The following TMEM171 variants were observed in gnomAD, a reference collection of about 807,000 sequenced individuals.
TMEM171 encodes the protein proline-rich protein PRP2.
In TMEM171, 16 loss-of-function variants were observed where a neutral mutation model predicts 19.1. The ratio of observed to expected loss-of-function variants is 0.84; its 90% CI spans 0.57 to 1.27. The LOEUF (loss-of-function observed/expected upper bound fraction) is 1.27. Ranked by LOEUF, TMEM171 falls within the 50% of genes most tolerant of loss-of-function variation. The pLI, the probability that TMEM171 is intolerant of heterozygous loss-of-function variation, is 0.00. For missense variants in TMEM171, 429 were observed against 412.7 expected, an observed-to-expected ratio of 1.04 and a Z score of -0.34; for synonymous variants, 153 against 163.4, an observed-to-expected ratio of 0.94 and a Z score of 0.48.
rs775618368 is a variant in TMEM171, at chr5:73,123,659, G to A, written c.286G>A (p.Asp96Asn). Residue 96 changes from aspartate (D) to asparagine (N), a missense_variant, in exon 2 of 4, where the codon GAC becomes AAC. Transcript: ENST00000454765. The stretch of plus-strand genomic sequence containing the variant: ...AGGGCTGCAGAGAGGTCAGCAGATG[G>A]ACCCCGACCGAGCCTTCATCTGTGG... ...RAGLQRGQQM[D>N]PDRAFICGES... 6 of 1,614,222 alleles carry A rather than the reference G, an allele frequency of 3.7e-6. No individual in the cohort carries two copies. In the East Asian group the frequency reaches 1.1e-4, roughly 30 times the overall value.
chr5:73,122,600 T>C (rs1744033842), intron 1 of TMEM171, among the ~76,000 whole-genome samples: 1 of 152,312 alleles, frequency 6.6e-6, no homozygotes, highest in South Asian at 2.1e-4. Context: ...GGTTTTGCTA[T>C]GTCACCCAGG....
In TMEM171 at chr5:73,123,630, G is replaced by T. The variant is rs147116160; in HGVS notation, c.257G>T (p.Arg86Leu). 2.1e-4 allele frequency: 333 copies of T among 1,614,198 alleles called. 3 individuals are homozygous for T. The African/African-American group carries it at 3.8e-3, about 18-fold the overall frequency. Reference sequence around the variant, plus strand: ...CGCTCCCGGGCGCAACTTCAGCTCCGTGCAGGGCTGCAGAGAGGTCAGCAG... The same window carrying T: ...CGCTCCCGGGCGCAACTTCAGCTCCTTGCAGGGCTGCAGAGAGGTCAGCAG... ...LARSRAQLQL[R>L]AGLQRGQQMD... The change falls in exon 2 of 4, where the codon CGT (arginine) becomes CTT (leucine). Residue 86 changes from arginine (R) to leucine (L), a missense_variant. Arg to Leu is a moderately radical substitution (Grantham distance 102). Coordinates refer to ENST00000454765, the MANE Select transcript of TMEM171 (RefSeq NM_173490.8).
chr5:73,128,300 G>T (rs1229064539), intron 2 of TMEM171, 90 bp from the exon 3 acceptor site: 2 of 1,504,932 alleles, frequency 1.3e-6, no homozygotes, highest in Non-Finnish European at 1.8e-6. Flanking sequence ...CTTTTATATA[G>T]ATGGGCCAAA....
intron 1 of TMEM171, among the ~76,000 whole-genome samples, chr5:73,121,443 C>T (rs1368428573): frequency 6.6e-6 from 1 of 152,160 alleles, no homozygotes; most frequent in Non-Finnish European, 1.5e-5. Context: ...CAGGACTCTC[C>T]ATCGTTTCAT....
chr5:73,122,727 T>A (rs1744037637), intron 1 of TMEM171, among the ~76,000 whole-genome samples: 1 of 152,234 alleles, frequency 6.6e-6, no homozygotes, highest in Non-Finnish European at 1.5e-5. Context: ...TAGAATCAAC[T>A]TAAAAGTCCA....
In TMEM171 at chr5:73,123,366, T is replaced by C. The variant is rs750403252; in HGVS notation, c.-8T>C. On this transcript the variant is annotated 5_prime_UTR_variant, in exon 2 of 4. Coordinates refer to ENST00000454765, the MANE Select transcript of TMEM171 (RefSeq NM_173490.8). Reference sequence around the variant, plus strand: ...CACCCTGCCTCCGGGAAGGGGCCTCTCCTGGACATGTCTCCTGCAGCTGCT... The same window carrying C: ...CACCCTGCCTCCGGGAAGGGGCCTCCCCTGGACATGTCTCCTGCAGCTGCT... The C allele has an allele frequency of 3.7e-6, 6 of 1,608,834 alleles. No homozygotes were observed. The highest frequency in any genetic ancestry group is 4.3e-6 in the Non-Finnish European group (5 of 1,176,310).
At chr5:73,121,286 A>G (rs918319646) in intron 1 of TMEM171, among the ~76,000 whole-genome samples, 14 of 152,206 alleles carry the variant, frequency 9.2e-5, no homozygotes, top group African/African-American at 3.1e-4. Flanking sequence ...AAAGTTGACT[A>G]TACTGGGAAT....
intron 2 of TMEM171, among the ~76,000 whole-genome samples, chr5:73,125,922 C>G (rs1365652409): frequency 6.6e-6 from 1 of 152,222 alleles, no homozygotes; most frequent in African/African-American, 2.4e-5. Context: ...GAAGCATGCT[C>G]TCCTTGTTGT....
At chr5:73,121,092 G>A (rs551812254) in intron 1 of TMEM171, among the ~76,000 whole-genome samples, 3 of 152,258 alleles carry the variant, frequency 2.0e-5, no homozygotes, top group East Asian at 3.9e-4. Context: ...CCGTTTGTGA[G>A]TGCATCTGTG....
At chr5:73,129,049 G>C (rs958015818) in intron 3 of TMEM171, among the ~76,000 whole-genome samples, 2 of 152,168 alleles carry the variant, frequency 1.3e-5, no homozygotes, top group South Asian at 2.1e-4. Context: ...GCCTGTTACC[G>C]GCGGAGGGTG....
chr5:73,127,603 A>G (rs1351975376), intron 2 of TMEM171, among the ~76,000 whole-genome samples: 1 of 149,466 alleles, frequency 6.7e-6, no homozygotes, highest in Non-Finnish European at 1.5e-5. Context: ...CGCCTGCCTG[A>G]TTGTTTTTTC....
intron 3 of TMEM171, among the ~76,000 whole-genome samples, chr5:73,129,561 C>T (rs907603024): frequency 6.6e-6 from 1 of 152,132 alleles, no homozygotes; most frequent in Non-Finnish European, 1.5e-5. Context: ...GCCTCCACAC[C>T]CTATTCTTCT....
Position 73,123,689 on chromosome 5 carries a change from A to G in TMEM171, c.316A>G (p.Ser106Gly). The change falls in exon 2 of 4, where the codon AGC (serine) becomes GGC (glycine). Residue 106 changes from serine to glycine, a missense_variant. Physicochemically the swap from Ser to Gly is moderately conservative, Grantham distance 56. Transcript: ENST00000454765. ...CGACCGAGCCTTCATCTGTGGAGAG[A>G]GCCGCCAGTTTGCCCAGTGCCTTAT... ...DPDRAFICGE[S>G]RQFAQCLIFG... 1 of 1,614,128 alleles carries G rather than the reference A, an allele frequency of 6.2e-7. No homozygotes were observed. The highest frequency in any genetic ancestry group is 8.5e-7 in the Non-Finnish European group (1 of 1,180,036).
At chr5:73,122,320 T>A (rs1175320163) in intron 1 of TMEM171, among the ~76,000 whole-genome samples, 3 of 152,238 alleles carry the variant, frequency 2.0e-5, no homozygotes, top group Non-Finnish European at 2.9e-5. Context: ...CCTGTTGACC[T>A]GCTGTGCAAC....
At chr5:73,121,752 A>C (rs181140013) in intron 1 of TMEM171, among the ~76,000 whole-genome samples, 431 of 152,038 alleles carry the variant, frequency 2.8e-3, no homozygotes, top group Non-Finnish European at 5.0e-3. Flanking sequence ...TGCTTTCTTT[A>C]CCTAAACTGA....
rs749929575 is a variant in TMEM171, at chr5:73,131,781, A to AT, written c.*59dup. The AT allele has an allele frequency of 3.8e-5, 55 of 1,441,746 alleles. No individual in the cohort carries two copies. The highest frequency in any genetic ancestry group is 4.1e-5 in the Non-Finnish European group (44 of 1,083,368). The allele number at this position is 1,441,746 out of a possible 1,614,324, so 89.3% of individuals were successfully genotyped here. A position where few individuals can be genotyped will look rare whatever the true frequency, so the allele number is the denominator to read the frequency against. On this transcript the variant is annotated 3_prime_UTR_variant, in exon 4 of 4. Transcript: ENST00000454765. Reference sequence around the variant, plus strand: ...ATGCAATGGATCACTATTTTATTTAATTTTTTTTAAATAAAAAATACAATA... The same window carrying AT: ...ATGCAATGGATCACTATTTTATTTAATTTTTTTTTAAATAAAAAATACAATA...
chr5:73,123,764 A>G lies in TMEM171; in HGVS notation c.391A>G (p.Ile131Val), dbSNP rs753242330. 3 of 1,613,636 alleles carry G rather than the reference A, an allele frequency of 1.9e-6. No individual in the cohort carries two copies. The highest frequency in any genetic ancestry group is 2.5e-6 in the Non-Finnish European group (3 of 1,179,726). ...CGGCATGCTCATCAGCGTCCTGGGC[A>G]TTTGGGTCCCTGGATGTGGCTCCAA... ...TSGMLISVLG[I>V]WVPGCGSNWA... The change falls in exon 2 of 4, where the codon ATT becomes GTT. Residue 131 changes from isoleucine (I) to valine (V), a missense_variant. By Grantham distance (29) the Ile-to-Val change is conservative. Coordinates refer to ENST00000454765, the MANE Select transcript of TMEM171 (RefSeq NM_173490.8).
At chr5:73,122,196 G>A (rs923331951) in intron 1 of TMEM171, among the ~76,000 whole-genome samples, 1 of 152,138 alleles carries the variant, frequency 6.6e-6, no homozygotes, top group Non-Finnish European at 1.5e-5. Context: ...TTTATTGGCT[G>A]CTTGTTTTTT....
At chr5:73,124,210 A>G (rs1744104221) in intron 2 of TMEM171, among the ~76,000 whole-genome samples, 197 bp downstream of exon 2, 1 of 152,170 alleles carries the variant, frequency 6.6e-6, no homozygotes, top group Non-Finnish European at 1.5e-5. Flanking sequence ...GGAACCTTGT[A>G]TACATCTTTT....
Sources: allele counts gnomAD v4.1 joint callset (sites outside exome capture counted in the v4.1 genomes callset), GRCh38; gene constraint gnomAD v4.1.1; transcripts MANE v1.5; gene names NCBI Gene and HGNC (gene_info 2026-07-23, HGNC 2026-07-21).